Variants in SLC2A13 observed in about 807,000 individuals in gnomAD.
The protein encoded by SLC2A13 is proton myo-inositol cotransporter.
A neutral mutation model predicts 64.4 loss-of-function variants in SLC2A13; 32 were observed. The observed-to-expected ratio is 0.50, with a 90% CI of 0.37 to 0.67. SLC2A13 has a LOEUF of 0.67. Among genes scored for constraint, SLC2A13 ranks in the 30% least tolerant of loss-of-function variants. The probability of loss-of-function intolerance (pLI) is 0.00; values close to 1 mark genes in which losing one functional copy is unlikely to be tolerated. For missense variants in SLC2A13, 743 were observed against 829.2 expected, an observed-to-expected ratio of 0.90 and a Z score of 1.28; for synonymous variants, 338 against 327.1, an observed-to-expected ratio of 1.03 and a Z score of -0.36.
intron 4 of SLC2A13, among the ~76,000 whole-genome samples, chr12:39,946,610 T>C (rs889573371): frequency 4.6e-5 from 7 of 152,138 alleles, no homozygotes; most frequent in Admixed American, 4.6e-4. Flanking sequence ...TGGCTCCCTC[T>C]GCTGAGTCAT....
Position 39,871,920 on chromosome 12 carries a change from T to C in SLC2A13, c.1076A>G (p.Asp359Gly). ...AGCCAGCCATATTGCAAGTCTATCATCTTCAACACCAGACATCTGCAGAAT... is the reference window on the plus strand; with the variant it reads ...AGCCAGCCATATTGCAAGTCTATCACCTTCAACACCAGACATCTGCAGAAT... ...ATILQMSGVE[D>G]DRLAIWLASV... is the part of the protein sequence containing the mutation. The change falls in exon 5 of 10, where the codon GAT becomes GGT. Residue 359 changes from aspartate (D) to glycine (G), a missense_variant. Around this residue, in one of 2 missense-constraint regions of SLC2A13, gnomAD observed 295 missense variants for 381.7 expected, o/e 0.77. Transcript: ENST00000280871. 1 of 1,610,266 alleles carries C rather than the reference T, an allele frequency of 6.2e-7. No individual in the cohort carries two copies. Among genetic ancestry groups the C allele is most frequent in the Non-Finnish European group, 8.5e-7 (1 of 1,178,420 alleles).
At chr12:40,024,709 C>T (rs904277263) in intron 3 of SLC2A13, among the ~76,000 whole-genome samples, 4 of 152,138 alleles carry the variant, frequency 2.6e-5, no homozygotes, top group Non-Finnish European at 5.9e-5. Flanking sequence ...CACATCCCCA[C>T]CTCTGATGCA....
chr12:40,064,498 T>C (rs190458089), intron 1 of SLC2A13, among the ~76,000 whole-genome samples: 2 of 151,558 alleles, frequency 1.3e-5, no homozygotes, highest in African/African-American at 4.9e-5. Flanking sequence ...ATCTCTGAAA[T>C]AGACTAACAG....
chr12:39,877,414 A>G (rs1361401000), intron 4 of SLC2A13, among the ~76,000 whole-genome samples: 3 of 152,328 alleles, frequency 2.0e-5, no homozygotes, highest in South Asian at 2.1e-4. Flanking sequence ...CCATGATTCA[A>G]TTACCTCCCA....
chr12:39,931,315 A>T (rs1004520512), intron 4 of SLC2A13, among the ~76,000 whole-genome samples: 2 of 152,164 alleles, frequency 1.3e-5, no homozygotes, highest in African/African-American at 4.8e-5. Flanking sequence ...TACTACTACT[A>T]ATGCCTGCTA....
chr12:39,943,180 G>A (rs918598763), intron 4 of SLC2A13, among the ~76,000 whole-genome samples: 6 of 152,302 alleles, frequency 3.9e-5, no homozygotes, highest in South Asian at 2.1e-4. Context: ...CCTGTATGAG[G>A]TGTCTGTCGA....
At chr12:39,782,384 G>A (rs1348714904) in intron 7 of SLC2A13, among the ~76,000 whole-genome samples, 1 of 152,158 alleles carries the variant, frequency 6.6e-6, no homozygotes, top group African/African-American at 2.4e-5. Context: ...TAGTGAGTAA[G>A]TGTCACGAAA....
chr12:39,801,762 A>G (rs1465707776), intron 7 of SLC2A13, among the ~76,000 whole-genome samples: 1 of 152,218 alleles, frequency 6.6e-6, no homozygotes, highest in Non-Finnish European at 1.5e-5. Context: ...CGGGCTTAGA[A>G]TCCAAAATTC....
intron 3 of SLC2A13, among the ~76,000 whole-genome samples, chr12:39,994,162 G>C (rs1423548746): frequency 6.6e-6 from 1 of 151,984 alleles, no homozygotes; most frequent in Non-Finnish European, 1.5e-5. Context: ...GGCTGAGGTG[G>C]ACGGATCACG....
intron 3 of SLC2A13, among the ~76,000 whole-genome samples, chr12:40,020,649 A>G (rs993954091): frequency 6.6e-6 from 1 of 152,176 alleles, no homozygotes; most frequent in African/African-American, 2.4e-5. Context: ...TCCCAACACT[A>G]AAGAATGGCT....
At chr12:39,879,168 C>T (rs1373730558) in intron 4 of SLC2A13, among the ~76,000 whole-genome samples, 6 of 152,348 alleles carry the variant, frequency 3.9e-5, no homozygotes, top group South Asian at 4.1e-4. Flanking sequence ...TTGGAGGATG[C>T]GTGAGAAAGC....
chr12:40,084,698 T>C (rs952096372), intron 1 of SLC2A13, among the ~76,000 whole-genome samples: 3 of 152,112 alleles, frequency 2.0e-5, no homozygotes, highest in African/African-American at 7.2e-5. Context: ...TGTAAATGTA[T>C]GAGACTAGGA....
At chr12:39,864,614 T>C (rs1393459073) in intron 6 of SLC2A13, 148 bp downstream of exon 6, 5 of 1,090,858 alleles carry the variant, frequency 4.6e-6, no homozygotes, top group Admixed American at 5.0e-5. Flanking sequence ...GGGGCCCCTC[T>C]CTACCACCTT....
intron 4 of SLC2A13, among the ~76,000 whole-genome samples, chr12:39,880,085 C>G (rs748561797): frequency 1.4e-4 from 22 of 152,114 alleles, no homozygotes; most frequent in Non-Finnish European, 2.8e-4. Flanking sequence ...TGCCATGTGA[C>G]GTGACTGCTC....
At chr12:39,910,999 G>T (rs769765843) in intron 4 of SLC2A13, among the ~76,000 whole-genome samples, 1 of 152,040 alleles carries the variant, frequency 6.6e-6, no homozygotes, top group African/African-American at 2.4e-5. Context: ...CAAGAGAATC[G>T]CTGGAACCTG....
In SLC2A13 at chr12:39,760,953, A is replaced by AACACAC. The variant is rs71449492; in HGVS notation, c.1721-707_1721-702dup. On this transcript the variant is annotated intron_variant, in intron 9 of 9. Transcript: ENST00000280871. Reference sequence around the variant, plus strand: ...AACATGGTGAAACCTGTCTCTACCAAACACACACACACACACACACATAAT... The same window carrying AACACAC: ...AACATGGTGAAACCTGTCTCTACCAAACACACACACACACACACACACACACATAAT... Among the ~76,000 whole-genome samples, 14 of 101,582 alleles carry AACACAC rather than the reference A, an allele frequency of 1.4e-4. 1 individual carries two copies. The highest frequency in any genetic ancestry group is 3.9e-4 in the South Asian group (1 of 2,570). 66.6% of individuals were successfully genotyped at this position (101,582 alleles called of 152,430 possible). A position where few individuals can be genotyped will look rare whatever the true frequency, so the allele number is the denominator to read the frequency against.
intron 4 of SLC2A13, chr12:39,950,247 T>C (rs1046370024): frequency 3.3e-5 from 5 of 152,060 alleles, no homozygotes; most frequent in Non-Finnish European, 7.4e-5. Flanking sequence ...TCTCAAGTAA[T>C]TAAAAAAAAT....
intron 4 of SLC2A13, among the ~76,000 whole-genome samples, chr12:39,904,041 G>A (rs1051581681): frequency 7.9e-5 from 12 of 152,066 alleles, no homozygotes; most frequent in African/African-American, 2.9e-4. Context: ...ACCACCCTCA[G>A]TCTTACTGAT....
chr12:40,101,008 T>C (rs994227798), intron 1 of SLC2A13, among the ~76,000 whole-genome samples: 5 of 132,552 alleles, frequency 3.8e-5, no homozygotes, highest in Non-Finnish European at 8.1e-5. Context: ...CCTGTTAGAA[T>C]ACAATCATTT....
Sources: gnomAD v4.1 joint callset for allele counts (sites outside exome capture counted in the v4.1 genomes callset) on GRCh38, gnomAD v4.1.1 for gene constraint, gnomAD v4.1.1 regional missense constraint, MANE v1.5 for transcripts, NCBI Gene and HGNC (gene_info 2026-07-23, HGNC 2026-07-21) for gene names.